The following NDUFA1 variants were observed in gnomAD, a reference collection of about 807,000 sequenced individuals.
NDUFA1 encodes the protein NADH dehydrogenase [ubiquinone] 1 alpha subcomplex subunit 1.
For missense variants in NDUFA1, 42 were observed against 56.0 expected, an observed-to-expected ratio of 0.75 and a Z score of 0.80; for synonymous variants, 21 against 20.0, an observed-to-expected ratio of 1.05 and a Z score of -0.14.
Position 119,873,342 on chromosome X carries a change from G to A in NDUFA1, c.141G>A (p.Leu47=). 1 of 1,210,775 alleles carries A rather than the reference G, an allele frequency of 8.3e-7. No individual in the cohort carries two copies. Among genetic ancestry groups the A allele is most frequent in the South Asian group, 1.8e-5 (1 of 56,981 alleles). Residue 47 remains leucine, a synonymous_variant, in exon 2 of 3, where the codon CTG becomes CTA. Transcript: ENST00000371437. The part of the protein sequence containing the change: ...RVAHFGYHWS[L]MERDRRISGV... ...CTCATTTTGGGTATCACTGGAGTCT[G>A]ATGGAAAGAGATAGGCGCATCTCTG...
At position 119,873,370 on chromosome X, in the gene NDUFA1, G is replaced by A. The variant is rs756922178; in HGVS notation, c.169G>A (p.Val57Ile). 7.4e-6 allele frequency: 9 copies of A among 1,208,176 alleles called. No individual in the cohort carries two copies. In the African/African-American group the frequency reaches 1.6e-4, roughly 21 times the overall value. Residue 57 changes from valine to isoleucine, a missense_variant, in exon 2 of 3, where the codon GTT (valine) becomes ATT (isoleucine). Val to Ile is a conservative substitution (Grantham distance 29, BLOSUM62 3). Coordinates refer to ENST00000371437, the MANE Select transcript of NDUFA1 (RefSeq NM_004541.4). ...LMERDRRISG[V>I]DRYYVSKGLE... ...GGAAAGAGATAGGCGCATCTCTGGAGTTGATCGTTACTATGTGTCAAAGGT... is the reference window on the plus strand; with the variant it reads ...GGAAAGAGATAGGCGCATCTCTGGAATTGATCGTTACTATGTGTCAAAGGT...
chrX:119,872,098 C>A, intron 1 of NDUFA1, 85 bp downstream of exon 1: 2 of 973,846 alleles, frequency 2.1e-6, no homozygotes, highest in South Asian at 1.9e-5. Context: ...GCCTGCGAAC[C>A]CTCTCTCCGA....
chrX:119,875,016 T>C (rs1240426392), intron 2 of NDUFA1, among the ~76,000 whole-genome samples: 1 of 112,044 alleles, frequency 8.9e-6, no homozygotes, highest in African/African-American at 3.2e-5. Flanking sequence ...GTCAGAGTGA[T>C]TAAGTAATAT....
At chrX:119,872,234 A>G (rs760101277) in intron 1 of NDUFA1, among the ~76,000 whole-genome samples, 2 of 112,232 alleles carry the variant, frequency 1.8e-5, no homozygotes, top group Admixed American at 1.9e-4. Flanking sequence ...GCCTTAGGGC[A>G]GAGTAGCGAC....
At chrX:119,875,088 A>G (rs2056431233) in intron 2 of NDUFA1, among the ~76,000 whole-genome samples, 1 of 111,085 alleles carries the variant, frequency 9.0e-6, no homozygotes, top group African/African-American at 3.3e-5. Context: ...ATCTAATCCA[A>G]TGAACATGAT....
At chrX:119,875,317 CTTTTT>C (rs61235666) in intron 2 of NDUFA1, among the ~76,000 whole-genome samples, 11 of 59,622 alleles carry the variant, frequency 1.8e-4, no homozygotes, top group African/African-American at 6.7e-4. Context: ...ACTGATGAGT[CTTTTT>C]TTTTTTTTTT....
rs1221724204 is a variant in NDUFA1, at chrX:119,872,004, C to T, written c.93C>T (p.Asn31=). The T allele has an allele frequency of 2.5e-6, 3 of 1,210,259 alleles. No homozygotes were observed. Among genetic ancestry groups the T allele is most frequent in the African/African-American group, 3.5e-5 (2 of 57,563 alleles). ...CTGCGTACATCCACAGGTTCACTAA[C>T]GGGGGCAAGGTAAGCCGGCTTCGGC... ...LATAYIHRFT[N]GGKEKRVAHF... Residue 31 remains asparagine, a synonymous_variant, in exon 1 of 3, where the codon AAC becomes AAT. Coordinates refer to ENST00000371437, the MANE Select transcript of NDUFA1 (RefSeq NM_004541.4).
chrX:119,872,048 G>A (rs763146234), intron 1 of NDUFA1, 35 bp downstream of exon 1: 3 of 1,174,733 alleles, frequency 2.6e-6, no homozygotes, highest in Non-Finnish European at 2.3e-6. Context: ...CGACTCCACG[G>A]GCTGATTTCC....
rs201240353 is a variant in NDUFA1, at chrX:119,871,908, A to G, written c.-4A>G. The G allele has an allele frequency of 4.7e-4, 571 of 1,209,385 alleles. 1 individual carries two copies. In the African/African-American group the frequency reaches 8.8e-3, roughly 19 times the overall value. ...AGGGTTTTGGCCTAGGTAACGGGGC[A>G]GAGATGTGGTTCGAGATTCTCCCCG... On this transcript the variant is annotated 5_prime_UTR_variant, in exon 1 of 3. Coordinates refer to ENST00000371437, the MANE Select transcript of NDUFA1 (RefSeq NM_004541.4).
intron 1 of NDUFA1, 33 bp downstream of exon 1, chrX:119,872,046 C>A (rs770338065): frequency 1.7e-6 from 2 of 1,172,062 alleles, no homozygotes; most frequent in Non-Finnish European, 2.3e-6. Context: ...GCCGACTCCA[C>A]GGGCTGATTT....
intron 1 of NDUFA1, 103 bp downstream of exon 1, chrX:119,872,116 C>T (rs1053891653): frequency 7.4e-6 from 6 of 810,808 alleles, no homozygotes; most frequent in Admixed American, 2.3e-5. Flanking sequence ...CGAGGTCGGC[C>T]CTCTACTTGC....
At chrX:119,873,080 T>A (rs180726959) in intron 1 of NDUFA1, among the ~76,000 whole-genome samples, 9 of 104,060 alleles carry the variant, frequency 8.6e-5, no homozygotes, top group Non-Finnish European at 1.4e-4. Flanking sequence ...GGAAAAAAAA[T>A]TCATGTTGGT....
chrX:119,875,317 CTTTTTTTTTTT>C (rs61235666), intron 2 of NDUFA1, among the ~76,000 whole-genome samples: 147 of 59,647 alleles, frequency 2.5e-3, no homozygotes, highest in African/African-American at 1.0e-2. Flanking sequence ...ACTGATGAGT[CTTTTTTTTTTT>C]TTTTTTTTTT....
intron 2 of NDUFA1, 137 bp downstream of exon 2, chrX:119,873,530 T>C: frequency 7.0e-6 from 3 of 431,206 alleles, no homozygotes; most frequent in Non-Finnish European, 1.2e-5. Context: ...TTTTACATAT[T>C]TAATCTTTTA....
In NDUFA1 at chrX:119,871,880, A is replaced by T; in HGVS notation, c.-32A>T. The T allele has an allele frequency of 8.4e-7, 1 of 1,191,287 alleles. No individual in the cohort carries two copies. Among genetic ancestry groups the T allele is most frequent in the South Asian group, 1.8e-5 (1 of 56,561 alleles). ...CCAGGTCACCTTTCAAGGACCCAGA[A>T]GTAGGGTTTTGGCCTAGGTAACGGG... is the stretch of plus-strand genomic sequence containing the variant. On this transcript the variant is annotated 5_prime_UTR_variant, in exon 1 of 3. It adds an upstream start codon to the 5' untranslated region. Transcript: ENST00000371437.
At chrX:119,873,275 C>G in intron 1 of NDUFA1, 29 bp from the exon 2 acceptor site, 1 of 1,142,680 alleles carries the variant, frequency 8.8e-7, no homozygotes, top group Non-Finnish European at 1.2e-6. Context: ...CTTTTATAAA[C>G]TGCAACAATA....
intron 1 of NDUFA1, 143 bp from the exon 2 acceptor site, chrX:119,873,161 T>G (rs1640326237): frequency 2.1e-6 from 1 of 474,600 alleles, no homozygotes; most frequent in Non-Finnish European, 3.8e-6. Context: ...ATTTAGGAGA[T>G]TCTGTTCTTT....
chrX:119,872,631 TAAAG>T (rs1201988744), intron 1 of NDUFA1, among the ~76,000 whole-genome samples: 2 of 106,227 alleles, frequency 1.9e-5, no homozygotes, highest in Admixed American at 1.0e-4. Flanking sequence ...AAAAAATAAA[TAAAG>T]AAAGAAATTT....
intron 1 of NDUFA1, 22 bp downstream of exon 1, chrX:119,872,035 G>A (rs1304105448): frequency 8.4e-7 from 1 of 1,189,704 alleles, no homozygotes. Flanking sequence ...TCGGCCCGGG[G>A]GCCGACTCCA....
Sources: allele counts gnomAD v4.1 joint callset (sites outside exome capture counted in the v4.1 genomes callset), GRCh38; gene constraint gnomAD v4.1.1; transcripts MANE v1.5; gene names NCBI Gene and HGNC (gene_info 2026-07-23, HGNC 2026-07-21).